Variants in PPP1R12B observed in about 807,000 individuals in gnomAD.
PPP1R12B encodes myosin phosphatase target subunit 2.
A neutral mutation model predicts 126.1 loss-of-function variants in PPP1R12B; 76 were observed. The observed-to-expected ratio is 0.60, with a 90% CI of 0.50 to 0.73. The LOEUF is 0.73. PPP1R12B is among the 30% of genes least tolerant of loss of function. PPP1R12B has a pLI of 0.00. For synonymous variants in PPP1R12B, 356 were observed against 434.7 expected (o/e 0.82, Z 2.25); for missense variants, 1,052 against 1,205.1 (o/e 0.87, Z 1.88).
intron 1 of PPP1R12B, among the ~76,000 whole-genome samples, chr1:202,401,898 G>A (rs1665898823): frequency 6.6e-6 from 1 of 151,918 alleles, no homozygotes; most frequent in African/African-American, 2.4e-5. Flanking sequence ...GAGACAGATT[G>A]AAAGCAAGGT....
chr1:202,350,293 T>C (rs950326006), intron 1 of PPP1R12B, among the ~76,000 whole-genome samples: 1 of 152,194 alleles, frequency 6.6e-6, no homozygotes, highest in African/African-American at 2.4e-5. Flanking sequence ...GTAACCAATA[T>C]TTGTAGAGTG....
intron 13 of PPP1R12B, among the ~76,000 whole-genome samples, chr1:202,452,004 G>C (rs1673018578): frequency 6.6e-6 from 1 of 151,986 alleles, no homozygotes; most frequent in African/African-American, 2.4e-5. Flanking sequence ...CGGCCGGGCA[G>C]AGACGCTCCT....
At chr1:202,451,711 C>T (rs1340462329) in intron 13 of PPP1R12B, among the ~76,000 whole-genome samples, 1 of 152,072 alleles carries the variant, frequency 6.6e-6, no homozygotes, top group Non-Finnish European at 1.5e-5. Flanking sequence ...GGGTGGTGGC[C>T]GGGCAGAGGG....
chr1:202,371,946 A>C (rs1472250719), intron 1 of PPP1R12B, among the ~76,000 whole-genome samples: 1 of 135,876 alleles, frequency 7.4e-6, no homozygotes, highest in Non-Finnish European at 1.5e-5. Flanking sequence ...ATCTCAGCTC[A>C]CTGCAACCTC....
Position 202,507,038 on chromosome 1 carries a change from A to G in PPP1R12B, c.2490+10216A>G, listed in dbSNP as rs558205614. Among the ~76,000 whole-genome samples, 251 of 152,318 alleles carry G rather than the reference A, an allele frequency of 1.6e-3. 1 individual carries two copies. The highest frequency in any genetic ancestry group is 5.9e-3 in the African/African-American group (244 of 41,574). ...CCTTGACAGTCATAGATGAAAACCT[A>G]TCAGTTATCTGAGTCTAAAACCAAA... On this transcript the variant is annotated intron_variant, in intron 18 of 23. Transcript: ENST00000608999.
At chr1:202,458,422 A>G (rs1159464915) in intron 13 of PPP1R12B, among the ~76,000 whole-genome samples, 4 of 110,930 alleles carry the variant, frequency 3.6e-5, no homozygotes, top group African/African-American at 1.1e-4. Context: ...TGTTTTTCAA[A>G]GAAACCCAAG....
chr1:202,449,627 T>TTTTTGGTGACTCAATTATTTATGA (rs1387204324), intron 13 of PPP1R12B, among the ~76,000 whole-genome samples: 2 of 151,872 alleles, frequency 1.3e-5, no homozygotes, highest in Non-Finnish European at 2.9e-5. Flanking sequence ...GAGCAGTCAG[T>TTTTTGGTGACTCAATTATTTATGA]TTTTGGTGAC....
intron 18 of PPP1R12B, among the ~76,000 whole-genome samples, chr1:202,517,906 G>A (rs751385749): frequency 6.6e-6 from 1 of 152,170 alleles, no homozygotes; most frequent in Admixed American, 6.5e-5. Flanking sequence ...GATTACAGGC[G>A]TGAGCCACTG....
At chr1:202,367,231 A>G (rs1659394717) in intron 1 of PPP1R12B, among the ~76,000 whole-genome samples, 2 of 152,150 alleles carry the variant, frequency 1.3e-5, no homozygotes, top group Admixed American at 6.5e-5. Flanking sequence ...GTAAATATTG[A>G]GTATTGTTAT....
chr1:202,532,938 C>T (rs1433093152), intron 18 of PPP1R12B, among the ~76,000 whole-genome samples: 7 of 132,220 alleles, frequency 5.3e-5, no homozygotes, highest in Admixed American at 2.7e-4. Flanking sequence ...GTTGCGATCT[C>T]GGCTCACCCC....
At chr1:202,392,982 A>G (rs774062608) in intron 1 of PPP1R12B, among the ~76,000 whole-genome samples, 13 of 150,786 alleles carry the variant, frequency 8.6e-5, no homozygotes, top group African/African-American at 1.2e-4. Context: ...ATCTCTCTCT[A>G]TTGCCCAGGC....
At chr1:202,352,662 G>A (rs1296140868) in intron 1 of PPP1R12B, among the ~76,000 whole-genome samples, 1 of 152,176 alleles carries the variant, frequency 6.6e-6, no homozygotes, top group African/African-American at 2.4e-5. Flanking sequence ...GCTGAGGCAG[G>A]TGGATCACGA....
intron 2 of PPP1R12B, among the ~76,000 whole-genome samples, chr1:202,417,662 A>C (rs190958813): frequency 1.7e-4 from 26 of 152,344 alleles, no homozygotes; most frequent in East Asian, 1.5e-3. Flanking sequence ...AGTGTATCCT[A>C]GATGAGGGTA....
intron 18 of PPP1R12B, among the ~76,000 whole-genome samples, chr1:202,515,796 C>T (rs7537726): frequency 0.023 from 3,443 of 152,202 alleles, 134 homozygotes; most frequent in African/African-American, 0.077. Context: ...CTTATGTTGT[C>T]CTCCCACCTT....
chr1:202,459,338 A>G (rs2148750954), intron 13 of PPP1R12B, among the ~76,000 whole-genome samples: 1 of 152,274 alleles, frequency 6.6e-6, no homozygotes, highest in East Asian at 1.9e-4. Flanking sequence ...AAGGAATATT[A>G]ATTATAGGGA....
At chr1:202,539,560 G>A (rs376580526) in intron 18 of PPP1R12B, among the ~76,000 whole-genome samples, 72 of 152,172 alleles carry the variant, frequency 4.7e-4, no homozygotes, top group African/African-American at 1.7e-3. Context: ...ATCATTTTTC[G>A]TTTTTGTTTT....
chr1:202,531,489 C>T (rs374466156), intron 18 of PPP1R12B, among the ~76,000 whole-genome samples: 18 of 152,212 alleles, frequency 1.2e-4, no homozygotes, highest in African/African-American at 4.3e-4. Flanking sequence ...ATCCCTATCC[C>T]TAATAGTACC....
At chr1:202,504,308 G>A (rs866819334) in intron 18 of PPP1R12B, among the ~76,000 whole-genome samples, 6 of 151,972 alleles carry the variant, frequency 3.9e-5, no homozygotes, top group South Asian at 4.1e-4. Context: ...CATGAGAATC[G>A]CTTGAACCCG....
chr1:202,456,268 C>CAA (rs549174599), intron 13 of PPP1R12B, among the ~76,000 whole-genome samples: 1 of 111,138 alleles, frequency 9.0e-6, no homozygotes, highest in African/African-American at 3.4e-5. Context: ...GAATCCGTCT[C>CAA]AAAAAAAAAA....
Sources: allele counts gnomAD v4.1 joint callset (sites outside exome capture counted in the v4.1 genomes callset), GRCh38; gene constraint gnomAD v4.1.1; transcripts MANE v1.5; gene names NCBI Gene and HGNC (gene_info 2026-07-23, HGNC 2026-07-21).